CNTN5: variants seen among roughly 807,000 people sequenced by gnomAD.
The protein encoded by CNTN5 is contactin-5.
A neutral mutation model predicts 129.1 loss-of-function variants in CNTN5; 77 were observed. That is an observed-to-expected ratio of 0.60 (90% CI 0.50 to 0.72). The LOEUF (loss-of-function observed/expected upper bound fraction) is 0.72, where lower values mean the gene tolerates loss of function less well. Ranked by LOEUF, CNTN5 falls within the 30% of genes least tolerant of loss-of-function variation. CNTN5 has a pLI of 0.00. For missense variants in CNTN5, 1,478 were observed against 1,328.8 expected (o/e 1.11, Z -1.75); for synonymous variants, 509 against 465.6 (o/e 1.09, Z -1.20).
intron 2 of CNTN5, among the ~76,000 whole-genome samples, chr11:99,512,825 C>T (rs749061331): frequency 2.0e-4 from 30 of 152,222 alleles, no homozygotes; most frequent in Non-Finnish European, 3.2e-4. Flanking sequence ...CCTCCTCCAT[C>T]CTTATTCCCT....
In CNTN5 at chr11:99,624,048, A is replaced by G. The variant is rs570258506; in HGVS notation, c.55+67779A>G. Among the ~76,000 whole-genome samples the G allele has an allele frequency of 3.3e-5, 5 of 152,278 alleles. No individual in the cohort carries two copies. In the East Asian group the frequency reaches 9.7e-4, roughly 29 times the overall value. ...TATACTAAGAACTAAAGAAAAGTTA[A>G]CAGGGAAATTTGATGGTAATCTTCT... On this transcript the variant is annotated intron_variant, in intron 3 of 24. Transcript: ENST00000524871.
At chr11:99,669,047 T>C (rs1222721603) in intron 3 of CNTN5, among the ~76,000 whole-genome samples, 1 of 152,134 alleles carries the variant, frequency 6.6e-6, no homozygotes, top group East Asian at 1.9e-4. Flanking sequence ...CACGCGTGGA[T>C]ATTTGTGCTT....
At chr11:99,118,008 G>A (rs183387236) in intron 1 of CNTN5, among the ~76,000 whole-genome samples, 13 of 152,262 alleles carry the variant, frequency 8.5e-5, no homozygotes, top group African/African-American at 2.9e-4. Flanking sequence ...AATTTCCAAT[G>A]AGGTACTATT....
At chr11:100,002,232 C>G in intron 9 of CNTN5, 96 bp downstream of exon 9, 1 of 736,596 alleles carries the variant, frequency 1.4e-6, no homozygotes, top group Non-Finnish European at 2.1e-6. Flanking sequence ...GTCATTTCCC[C>G]AGTTGTTCCA....
At chr11:99,495,161 G>A (rs759377371) in intron 2 of CNTN5, among the ~76,000 whole-genome samples, 13 of 152,134 alleles carry the variant, frequency 8.5e-5, no homozygotes, top group Non-Finnish European at 1.3e-4. Flanking sequence ...GAAGTCAGGA[G>A]TTCAAGACCA....
intron 21 of CNTN5, among the ~76,000 whole-genome samples, chr11:100,312,248 T>C (rs1176262663): frequency 6.6e-6 from 1 of 152,126 alleles, no homozygotes; most frequent in Non-Finnish European, 1.5e-5. Context: ...TTTAAGTATA[T>C]TCAGTGAAGA....
chr11:99,258,027 A>C (rs1009455529), intron 1 of CNTN5, among the ~76,000 whole-genome samples: 2 of 152,012 alleles, frequency 1.3e-5, no homozygotes, highest in Non-Finnish European at 2.9e-5. Flanking sequence ...CTATATCACA[A>C]TGCCTTTCTC....
intron 4 of CNTN5, among the ~76,000 whole-genome samples, chr11:99,827,770 C>T (rs1482430358): frequency 2.0e-5 from 3 of 151,774 alleles, no homozygotes; most frequent in African/African-American, 7.3e-5. Context: ...AATTACTTTA[C>T]CTCTCTATAG....
intron 6 of CNTN5, among the ~76,000 whole-genome samples, chr11:99,887,157 G>A (rs1948922501): frequency 2.6e-5 from 4 of 152,148 alleles, no homozygotes. Context: ...ATGTTCATGT[G>A]AGTTGGACAT....
At chr11:100,197,949 C>G (rs925780748) in intron 15 of CNTN5, among the ~76,000 whole-genome samples, 1 of 151,752 alleles carries the variant, frequency 6.6e-6, no homozygotes, top group Non-Finnish European at 1.5e-5. Context: ...TATAGCAATA[C>G]ATGTAGGAAG....
At chr11:99,858,981 T>TG (rs1948126092) in intron 6 of CNTN5, among the ~76,000 whole-genome samples, 2 of 151,760 alleles carry the variant, frequency 1.3e-5, no homozygotes, top group South Asian at 4.2e-4. Flanking sequence ...TCTAAACATT[T>TG]GAACATTAGG....
intron 1 of CNTN5, among the ~76,000 whole-genome samples, chr11:99,068,071 G>A (rs1482600893): frequency 6.6e-6 from 1 of 152,068 alleles, no homozygotes; most frequent in Non-Finnish European, 1.5e-5. Context: ...TTCACCTTCT[G>A]CCATGATTTT....
rs79371126 is a variant in CNTN5, at chr11:99,910,968, C to A, written c.578-5086C>A. 5.1e-3 allele frequency among the ~76,000 whole-genome samples: 776 copies of A among 152,080 alleles called. 4 individuals are homozygous for A. Among genetic ancestry groups the A allele is most frequent in the African/African-American group, 0.017 (712 of 41,528 alleles). ...CACTTTGCAAGTGAGGCAGCAAATA[C>A]CAAGTCAGTATTACAAAACTTGTCC... is the stretch of plus-strand genomic sequence containing the variant. On this transcript the variant is annotated intron_variant, in intron 6 of 24. Coordinates refer to ENST00000524871, the MANE Select transcript of CNTN5 (RefSeq NM_014361.4).
At chr11:99,357,522 A>G (rs1938764845) in intron 2 of CNTN5, among the ~76,000 whole-genome samples, 1 of 150,936 alleles carries the variant, frequency 6.6e-6, no homozygotes, top group East Asian at 1.9e-4. Flanking sequence ...TTTATTTTCG[A>G]CAAAATAACT....
At chr11:100,151,176 TG>T (rs1947041091) in intron 13 of CNTN5, among the ~76,000 whole-genome samples, 1 of 150,508 alleles carries the variant, frequency 6.6e-6, no homozygotes, top group Admixed American at 6.6e-5. Flanking sequence ...TTAATTTAGT[TG>T]TTGTAATTGT....
At chr11:99,374,601 G>T (rs1244594581) in intron 2 of CNTN5, among the ~76,000 whole-genome samples, 1 of 151,974 alleles carries the variant, frequency 6.6e-6, no homozygotes, top group Non-Finnish European at 1.5e-5. Context: ...GGAGAATGGC[G>T]TGAACCCAGG....
chr11:99,566,666 T>C (rs1450176635), intron 3 of CNTN5, among the ~76,000 whole-genome samples: 1 of 152,192 alleles, frequency 6.6e-6, no homozygotes, highest in African/African-American at 2.4e-5. Context: ...TATGAAGTCA[T>C]TAATATGAGT....
At chr11:99,893,299 T>C (rs1949113713) in intron 6 of CNTN5, among the ~76,000 whole-genome samples, 1 of 152,210 alleles carries the variant, frequency 6.6e-6, no homozygotes, top group African/African-American at 2.4e-5. Context: ...CATGTTCTTA[T>C]TTGTCATTAC....
At chr11:99,764,423 T>C (rs1177785810) in intron 3 of CNTN5, among the ~76,000 whole-genome samples, 1 of 152,082 alleles carries the variant, frequency 6.6e-6, no homozygotes, top group African/African-American at 2.4e-5. Flanking sequence ...TGTTTTTGTT[T>C]TTTGTTTTTG....
Sources: allele counts gnomAD v4.1 joint callset (sites outside exome capture counted in the v4.1 genomes callset), GRCh38; gene constraint gnomAD v4.1.1; transcripts MANE v1.5; gene names NCBI Gene and HGNC (gene_info 2026-07-23, HGNC 2026-07-21).